Variants in ATCAY observed in about 807,000 individuals in gnomAD.
The protein encoded by ATCAY is ATCAY kinesin light chain interacting caytaxin, also known as caytaxin.
In ATCAY, 22 loss-of-function variants were observed where a neutral mutation model predicts 47.7. That is an observed-to-expected ratio of 0.46 (90% confidence interval 0.33 to 0.66). The LOEUF (loss-of-function observed/expected upper bound fraction) is 0.66, where lower values mean the gene tolerates loss of function less well. Ranked by LOEUF, ATCAY falls within the 30% of genes least tolerant of loss-of-function variation. The probability of loss-of-function intolerance (pLI) is 0.02; values close to 1 mark genes in which losing one functional copy is unlikely to be tolerated. For synonymous variants in ATCAY, 216 were observed against 207.6 expected, an observed-to-expected ratio of 1.04 and a Z score of -0.35; for missense variants, 452 against 515.0, an observed-to-expected ratio of 0.88 and a Z score of 1.18.
chr19:3,895,136 G>C (rs1215375201), intron 2 of ATCAY: 1 of 456,060 alleles, frequency 2.2e-6, no homozygotes. Flanking sequence ...GCCAGGAATT[G>C]CTTTGCACAA....
At chr19:3,896,392 C>T (rs527701508) in intron 2 of ATCAY, among the ~76,000 whole-genome samples, 1 of 151,868 alleles carries the variant, frequency 6.6e-6, no homozygotes, top group African/African-American at 2.4e-5. Context: ...CTCAGCCTCC[C>T]GAGTAGCTGA....
At chr19:3,901,714 T>C (rs1439876628) in intron 2 of ATCAY, among the ~76,000 whole-genome samples, 1 of 152,024 alleles carries the variant, frequency 6.6e-6, no homozygotes, top group Non-Finnish European at 1.5e-5. Context: ...AAAAACATGC[T>C]GGGCGGGCGC....
intron 4 of ATCAY, 109 bp downstream of exon 4, chr19:3,905,764 TA>T: frequency 1.0e-6 from 1 of 986,206 alleles, no homozygotes; most frequent in Non-Finnish European, 1.5e-6. Context: ...GCAGGGGCTC[TA>T]AGCAGTCTAG....
At chr19:3,908,484 G>A in intron 6 of ATCAY, 114 bp downstream of exon 6, 1 of 996,952 alleles carries the variant, frequency 1.0e-6, no homozygotes, top group Non-Finnish European at 1.5e-6. Flanking sequence ...CCTGGCACCA[G>A]GGAAGGGCGT....
rs1208994154 is a variant in ATCAY at position 3,907,302 on chromosome 19, G to A, written c.359-432G>A. Among the ~76,000 whole-genome samples, 1 of 152,070 alleles carries A rather than the reference G, an allele frequency of 6.6e-6. No homozygotes were observed. Among genetic ancestry groups the A allele is most frequent in the Non-Finnish European group, 1.5e-5 (1 of 68,032 alleles). ...TCTACAAAAATATAAAAATTAGCTG[G>A]GTGTGGTGGTGCACAACTGTAGTCC... On this transcript the variant is annotated intron_variant, in intron 4 of 12. Transcript: ENST00000450849. This position sits in a 1 kb window ranked among gnomAD's most constrained non-coding sequence, Gnocchi z 5.1.
At chr19:3,895,205 C>G (rs145665915) in intron 2 of ATCAY, 159 of 453,898 alleles carry the variant, frequency 3.5e-4, no homozygotes, top group African/African-American at 3.0e-3. Context: ...CAGGTAAGAG[C>G]TAATGCTGCA....
rs374249584 is a variant in ATCAY at position 3,907,942 on chromosome 19, C to T, written c.544+23C>T. 5.5e-5 allele frequency: 88 copies of T among 1,606,554 alleles called. 1 individual carries two copies. In the African/African-American group the frequency reaches 6.4e-4, roughly 12 times the overall value. ...GAGGTGAGACCCGCCCCCCGGTGCC[C>T]CCTTGGGGCTCCAGCCCGGCCCACT... is the stretch of plus-strand genomic sequence containing the variant. On this transcript the variant is annotated intron_variant, in intron 5 of 12. Coordinates refer to ENST00000450849, the MANE Select transcript of ATCAY (RefSeq NM_033064.5). The surrounding 1 kb of genome is among the most constrained non-coding windows in gnomAD (Gnocchi z 5.1).
At position 3,909,603 on chromosome 19, in the gene ATCAY, G is replaced by C; in HGVS notation, c.765G>C (p.Gln255His). The C allele has an allele frequency of 6.2e-7, 1 of 1,600,730 alleles. No homozygotes were observed. The highest frequency in any genetic ancestry group is 1.1e-5 in the South Asian group (1 of 89,400). Residue 255 changes from glutamine (Q) to histidine (H), a missense_variant, in exon 7 of 13, where the codon CAG becomes CAC. Physicochemically the swap from Gln to His is conservative, Grantham distance 24. Transcript: ENST00000450849. Reference protein sequence around the residue: ...PGIGWLKKCYQMIDRRLRKNL... With the variant: ...PGIGWLKKCYHMIDRRLRKNL... ...TCGGCTGGCTGAAGAAGTGCTACCAGATGATCGACCGGAGGTGAGGTGGGG... is the reference window on the plus strand; with the variant it reads ...TCGGCTGGCTGAAGAAGTGCTACCACATGATCGACCGGAGGTGAGGTGGGG...
intron 2 of ATCAY, among the ~76,000 whole-genome samples, chr19:3,886,874 T>C (rs1599275049): frequency 6.6e-6 from 1 of 151,610 alleles, no homozygotes; most frequent in African/African-American, 2.4e-5. Flanking sequence ...CCACCACATC[T>C]GGCTGATTTT....
In ATCAY at chr19:3,913,619, G is replaced by A. The variant is rs537684285; in HGVS notation, c.867-139G>A. 6.7e-5 allele frequency: 43 copies of A among 638,946 alleles called. No individual in the cohort carries two copies. In the East Asian group the frequency reaches 1.2e-3, roughly 17 times the overall value. 39.6% of individuals were successfully genotyped at this position (638,946 alleles called of 1,614,324 possible). A position where few individuals can be genotyped will look rare whatever the true frequency, so the allele number is the denominator to read the frequency against. On this transcript the variant is annotated intron_variant, in intron 8 of 12. Coordinates refer to ENST00000450849, the MANE Select transcript of ATCAY (RefSeq NM_033064.5). ...AATTAAGGCTGTCATCGGGCGGGAG[G>A]GAGGTGTCGTCGTCTGCACTGGGGC...
chr19:3,912,655 G>A (rs2038933447), intron 8 of ATCAY, among the ~76,000 whole-genome samples: 1 of 151,168 alleles, frequency 6.6e-6, no homozygotes, highest in Non-Finnish European at 1.5e-5. Context: ...CGAGGCAGGA[G>A]GATCGCTTGA....
intron 1 of ATCAY, among the ~76,000 whole-genome samples, chr19:3,883,281 G>A (rs1444230924): frequency 6.6e-6 from 1 of 152,058 alleles, no homozygotes. Context: ...GGTGGAGGTT[G>A]CAGTGAGCCG....
At position 3,907,654 on chromosome 19, in the gene ATCAY, G is replaced by C. The variant is rs1008796748; in HGVS notation, c.359-80G>C. The stretch of plus-strand genomic sequence containing the variant: ...GGTCCCGGCAGCGAGGGAGGTGGGA[G>C]AGGGGAAGGAAGGCTGAGCAGGAGG... On this transcript the variant is annotated intron_variant, in intron 4 of 12. Transcript: ENST00000450849. The surrounding 1 kb of genome is among the most constrained non-coding windows in gnomAD (Gnocchi z 5.1). 1.3e-6 allele frequency: 2 copies of C among 1,538,136 alleles called. No individual in the cohort carries two copies. The highest frequency in any genetic ancestry group is 1.8e-6 in the Non-Finnish European group (2 of 1,127,276).
chr19:3,889,920 AT>A (rs533973957), intron 2 of ATCAY, among the ~76,000 whole-genome samples: 2 of 149,174 alleles, frequency 1.3e-5, no homozygotes, highest in African/African-American at 4.9e-5. Flanking sequence ...CCCCCTACTG[AT>A]TTTTTTTTAT....
At position 3,925,771 on chromosome 19, in the gene ATCAY, C is replaced by A. The variant is rs1195155388; in HGVS notation, c.*1179C>A. On this transcript the variant is annotated 3_prime_UTR_variant, in exon 13 of 13. Transcript: ENST00000450849. This position sits in a 1 kb window ranked among gnomAD's most constrained non-coding sequence, Gnocchi z 4.4. The stretch of plus-strand genomic sequence containing the variant: ...GCCTGTAATCCCAGACTTTGGGAGG[C>A]CGAGGCAGGCGGATCACCTGAGGTG... 1 of 152,254 alleles carries A rather than the reference C, an allele frequency of 6.6e-6. No individual in the cohort carries two copies. The highest frequency in any genetic ancestry group is 1.9e-4 in the East Asian group (1 of 5,198). The allele number at this position is 152,254 out of a possible 1,614,324, so 9.4% of individuals were successfully genotyped here.
At chr19:3,884,625 A>G (rs2038632113) in intron 1 of ATCAY, among the ~76,000 whole-genome samples, 4 of 152,284 alleles carry the variant, frequency 2.6e-5, no homozygotes, top group Admixed American at 2.6e-4. Context: ...TATCTGGGTC[A>G]TGGCTCACCC....
intron 9 of ATCAY, among the ~76,000 whole-genome samples, chr19:3,917,229 A>G (rs933162859): frequency 1.3e-5 from 2 of 151,832 alleles, no homozygotes; most frequent in East Asian, 2.0e-4. Flanking sequence ...GTTGGAGGCT[A>G]CAAGTGAGTT....
rs375890704 is a variant in ATCAY, at chr19:3,887,748, A to C, written c.77+1904A>C. On this transcript the variant is annotated intron_variant, in intron 2 of 12. Coordinates refer to ENST00000450849, the MANE Select transcript of ATCAY (RefSeq NM_033064.5). ...TGATCCGCCCACCTCGGCCTCCCAA[A>C]GTGCTGGGATTACAGGCGTGAGCCA... Among the ~76,000 whole-genome samples, 30 of 149,510 alleles carry C rather than the reference A, an allele frequency of 2.0e-4. No homozygotes were observed. In the East Asian group the frequency reaches 3.3e-3, roughly 17 times the overall value.
At chr19:3,921,144 G>T (rs1389350591) in intron 12 of ATCAY, among the ~76,000 whole-genome samples, 1 of 152,102 alleles carries the variant, frequency 6.6e-6, no homozygotes, top group Admixed American at 6.6e-5. Context: ...TGAAGCCCAG[G>T]ATATGATACC....
Sources: allele counts gnomAD v4.1 joint callset (sites outside exome capture counted in the v4.1 genomes callset), GRCh38; gene constraint gnomAD v4.1.1; non-coding constraint Gnocchi (gnomAD v3.1); transcripts MANE v1.5; gene names NCBI Gene and HGNC (gene_info 2026-07-23, HGNC 2026-07-21).